The following SBF2 variants were observed in gnomAD, a reference collection of about 807,000 sequenced individuals.
SBF2 encodes SET binding factor 2, also known as myotubularin-related protein 13.
In SBF2, 112 loss-of-function variants were observed where a neutral mutation model predicts 225.2. That is an observed-to-expected ratio of 0.50 (90% CI 0.43 to 0.58). The LOEUF (loss-of-function observed/expected upper bound fraction) is 0.58, where lower values mean the gene tolerates loss of function less well. Among genes scored for constraint, SBF2 ranks in the 20% least tolerant of loss-of-function variants. The pLI is 0.00. For synonymous variants in SBF2, 763 were observed against 773.3 expected (o/e 0.99, Z 0.22); for missense variants, 1,996 against 2,206.2 (o/e 0.90, Z 1.91).
At chr11:9,791,484 C>A (rs896309850) in intron 33 of SBF2, among the ~76,000 whole-genome samples, 1 of 151,306 alleles carries the variant, frequency 6.6e-6, no homozygotes, top group African/African-American at 2.4e-5. Flanking sequence ...TATGTGGGGC[C>A]CCTAAGACTA....
chr11:9,955,539 A>G (rs990751756), intron 16 of SBF2, among the ~76,000 whole-genome samples: 2 of 152,054 alleles, frequency 1.3e-5, no homozygotes, highest in Non-Finnish European at 2.9e-5. Context: ...TTGCCATTAT[A>G]AAGTATTATA....
intron 1 of SBF2, among the ~76,000 whole-genome samples, chr11:10,196,876 T>TTTTTTTTTTTTTTTTTTC (rs71034756): frequency 8.4e-6 from 1 of 119,102 alleles, no homozygotes; most frequent in African/African-American, 3.0e-5. Flanking sequence ...ATTTTTTTTT[T>TTTTTTTTTTTTTTTTTTC]CCTACAAAAT....
At chr11:10,088,111 C>T (rs1241660768) in intron 2 of SBF2, among the ~76,000 whole-genome samples, 1 of 151,710 alleles carries the variant, frequency 6.6e-6, no homozygotes, top group Non-Finnish European at 1.5e-5. Flanking sequence ...GCAGCCTTGA[C>T]TTCCTGGGCT....
At chr11:10,037,192 A>C (rs189807259) in intron 3 of SBF2, among the ~76,000 whole-genome samples, 1 of 152,272 alleles carries the variant, frequency 6.6e-6, no homozygotes, top group African/African-American at 2.4e-5. Flanking sequence ...TTGGTAAAAG[A>C]CATAATCTTC....
chr11:10,135,122 T>C (rs879680815), intron 2 of SBF2, among the ~76,000 whole-genome samples: 2 of 152,198 alleles, frequency 1.3e-5, no homozygotes, highest in Admixed American at 1.3e-4. Context: ...CAACACCGCG[T>C]TGAAGTTGCC....
chr11:10,011,967 T>C (rs540017808), intron 6 of SBF2, among the ~76,000 whole-genome samples: 6 of 152,340 alleles, frequency 3.9e-5, no homozygotes, highest in African/African-American at 1.4e-4. Context: ...CCAATGGAGA[T>C]GCTCTGTACC....
At chr11:10,165,675 C>T (rs764195663) in intron 2 of SBF2, among the ~76,000 whole-genome samples, 3 of 152,090 alleles carry the variant, frequency 2.0e-5, no homozygotes, top group Non-Finnish European at 4.4e-5. Context: ...AAAATCTCAC[C>T]CTTAGTATAA....
intron 32 of SBF2, 92 bp downstream of exon 32, chr11:9,807,908 A>C: frequency 3.9e-4 from 392 of 1,001,730 alleles, no homozygotes; most frequent in Middle Eastern, 6.2e-4. Flanking sequence ...TATGACAGGA[A>C]GGTACCGGGC....
chr11:9,851,454 C>T (rs956917845), intron 21 of SBF2, among the ~76,000 whole-genome samples: 2 of 152,110 alleles, frequency 1.3e-5, no homozygotes, highest in Admixed American at 1.3e-4. Flanking sequence ...TATGGACGAG[C>T]TTTTAACTAG....
At chr11:10,281,502 A>G (rs375789959) in intron 1 of SBF2, among the ~76,000 whole-genome samples, 2 of 152,224 alleles carry the variant, frequency 1.3e-5, no homozygotes, top group East Asian at 1.9e-4. Flanking sequence ...GCATGTCCAC[A>G]TGATTATTCA....
rs186886687 is a variant in SBF2, at chr11:10,241,342, A to C, written c.56-47355T>G. ...GCACTCTGGCCTGGGTAACAGAGCG[A>C]GACTGTCTCAAAAAAAAGAGAAAGT... On this transcript the variant is annotated intron_variant, in intron 1 of 39. Transcript: ENST00000256190. 4.0e-3 allele frequency among the ~76,000 whole-genome samples: 581 copies of C among 145,876 alleles called. 4 individuals are homozygous for C. Among genetic ancestry groups the C allele is most frequent in the South Asian group, 5.6e-3 (27 of 4,820 alleles).
At chr11:9,868,337 C>T (rs867977170) in intron 17 of SBF2, among the ~76,000 whole-genome samples, 1 of 26,372 alleles carries the variant, frequency 3.8e-5, no homozygotes, top group Non-Finnish European at 5.5e-5. Context: ...TACAAAAATA[C>T]AAAAAAAAAA....
At chr11:9,826,318 G>C (rs1216369702) in intron 28 of SBF2, among the ~76,000 whole-genome samples, 1 of 152,204 alleles carries the variant, frequency 6.6e-6, no homozygotes, top group East Asian at 1.9e-4. Flanking sequence ...GTTCAATTCT[G>C]TGGAGTGTTC....
chr11:10,174,756 A>G (rs1176086610), intron 2 of SBF2, among the ~76,000 whole-genome samples: 1 of 152,200 alleles, frequency 6.6e-6, no homozygotes, highest in Non-Finnish European at 1.5e-5. Context: ...AAGGGCAGCC[A>G]GAGAGAAAGG....
At chr11:9,929,955 C>G (rs1864361025) in intron 16 of SBF2, among the ~76,000 whole-genome samples, 1 of 151,516 alleles carries the variant, frequency 6.6e-6, no homozygotes, top group Non-Finnish European at 1.5e-5. Context: ...CTCCCATGGA[C>G]ACAGGTAGGG....
At position 10,175,661 on chromosome 11, in the gene SBF2, C is replaced by T. The variant is rs1166856282; in HGVS notation, c.141+18241G>A. Among the ~76,000 whole-genome samples, 478 of 150,210 alleles carry T rather than the reference C, an allele frequency of 3.2e-3. 2 individuals carry two copies. Among genetic ancestry groups the T allele is most frequent in the Middle Eastern group, 0.024 (7 of 290 alleles). On this transcript the variant is annotated intron_variant, in intron 2 of 39. Coordinates refer to ENST00000256190, the MANE Select transcript of SBF2 (RefSeq NM_030962.4). Reference sequence around the variant, plus strand: ...GGAACTCAGCTCTGCACCAAGCGGACCTAACAGACATCTACAGAACTCTCC... The same window carrying T: ...GGAACTCAGCTCTGCACCAAGCGGATCTAACAGACATCTACAGAACTCTCC...
intron 19 of SBF2, 108 bp downstream of exon 19, chr11:9,856,350 T>C (rs752547712): frequency 1.6e-5 from 23 of 1,421,880 alleles, no homozygotes; most frequent in Non-Finnish European, 2.3e-5. Flanking sequence ...TGGTTAACTT[T>C]TGAAATATGT....
intron 16 of SBF2, among the ~76,000 whole-genome samples, chr11:9,903,723 C>A (rs1861908358): frequency 6.6e-6 from 1 of 152,186 alleles, no homozygotes; most frequent in South Asian, 2.1e-4. Flanking sequence ...ATGATTCTTC[C>A]CTTAGGCTGG....
At chr11:10,225,145 CTA>C (rs944069674) in intron 1 of SBF2, among the ~76,000 whole-genome samples, 2 of 151,996 alleles carry the variant, frequency 1.3e-5, no homozygotes, top group Non-Finnish European at 2.9e-5. Context: ...CCCTGATAAT[CTA>C]TGTTACCTCA....
Sources: gnomAD v4.1 joint callset for allele counts (sites outside exome capture counted in the v4.1 genomes callset) on GRCh38, gnomAD v4.1.1 for gene constraint, MANE v1.5 for transcripts, NCBI Gene and HGNC (gene_info 2026-07-23, HGNC 2026-07-21) for gene names.